The following TAFA2 variants were observed in gnomAD, a reference collection of about 807,000 sequenced individuals.
TAFA2 encodes TAFA chemokine like family member 2.
TAFA2 carries 7 observed loss-of-function variants against 18.8 expected under a neutral mutation model. The observed-to-expected ratio is 0.37, with a 90% CI of 0.21 to 0.70. TAFA2 has a LOEUF of 0.70. Among genes scored for constraint, TAFA2 ranks in the 30% least tolerant of loss-of-function variants. The pLI is 0.53. For synonymous variants in TAFA2, 60 were observed against 54.2 expected (o/e 1.11, Z -0.47); for missense variants, 122 against 158.1 (o/e 0.77, Z 1.23).
chr12:61,727,699 T>G (rs1870236677), intron 4 of TAFA2, among the ~76,000 whole-genome samples: 1 of 152,026 alleles, frequency 6.6e-6, no homozygotes, highest in Admixed American at 6.6e-5. Flanking sequence ...TTTGTATGGT[T>G]TAGTTACACT....
intron 2 of TAFA2, among the ~76,000 whole-genome samples, chr12:61,799,034 G>C (rs1169379777): frequency 6.6e-6 from 1 of 152,166 alleles, no homozygotes; most frequent in Admixed American, 6.5e-5. Flanking sequence ...AGAAAATATA[G>C]CTTCCTTTAT....
At chr12:61,879,542 C>T (rs1875022909) in intron 1 of TAFA2, 3 of 727,174 alleles carry the variant, frequency 4.1e-6, no homozygotes, top group South Asian at 1.5e-5. Flanking sequence ...CTGCTGAGGC[C>T]CCTTAACCTG....
intron 1 of TAFA2, among the ~76,000 whole-genome samples, chr12:62,004,449 G>C (rs1386289735): frequency 1.3e-5 from 2 of 152,224 alleles, no homozygotes; most frequent in Admixed American, 6.5e-5. Flanking sequence ...GGCTAGAAGA[G>C]AGATGAAGCA....
chr12:61,794,075 T>C (rs1871094881), intron 2 of TAFA2, among the ~76,000 whole-genome samples: 1 of 151,950 alleles, frequency 6.6e-6, no homozygotes, highest in Non-Finnish European at 1.5e-5. Flanking sequence ...AGCATATCTA[T>C]GGAAAATCTA....
At chr12:61,984,940 T>A (rs777305572) in intron 1 of TAFA2, among the ~76,000 whole-genome samples, 6 of 152,232 alleles carry the variant, frequency 3.9e-5, no homozygotes, top group Non-Finnish European at 7.3e-5. Context: ...AACATCCTAT[T>A]TTTATTGTAT....
intron 1 of TAFA2, among the ~76,000 whole-genome samples, chr12:62,250,812 G>A (rs528528620): frequency 6.6e-6 from 1 of 152,208 alleles, no homozygotes; most frequent in South Asian, 2.1e-4. Context: ...TATTAATTGA[G>A]GTCTTGCATA....
At chr12:62,109,207 G>C (rs573229324) in intron 1 of TAFA2, among the ~76,000 whole-genome samples, 1 of 152,316 alleles carries the variant, frequency 6.6e-6, no homozygotes, top group Non-Finnish European at 1.5e-5. Context: ...TGGCTAGCCA[G>C]TTCTCCCAAC....
intron 1 of TAFA2, among the ~76,000 whole-genome samples, chr12:61,909,154 A>G (rs996349993): frequency 1.3e-5 from 2 of 152,242 alleles, no homozygotes; most frequent in African/African-American, 2.4e-5. Flanking sequence ...CCACAAATTC[A>G]TAAACTATAA....
At chr12:62,236,261 CTTTTTTTTTTCTT>C (rs943583720) in intron 1 of TAFA2, among the ~76,000 whole-genome samples, 8 of 113,842 alleles carry the variant, frequency 7.0e-5, no homozygotes, top group Admixed American at 3.2e-4. Context: ...TGTTTTTTTT[CTTTTTTTTTTCTT>C]TTTTTTTTTT....
intron 1 of TAFA2, among the ~76,000 whole-genome samples, chr12:62,185,087 A>G (rs981239806): frequency 3.3e-5 from 5 of 152,198 alleles, no homozygotes; most frequent in Non-Finnish European, 5.9e-5. Flanking sequence ...ATTCTGACCC[A>G]ATTCTGAATG....
At chr12:61,994,004 T>C (rs918377705) in intron 1 of TAFA2, among the ~76,000 whole-genome samples, 1 of 152,178 alleles carries the variant, frequency 6.6e-6, no homozygotes, top group Non-Finnish European at 1.5e-5. Flanking sequence ...CAGATCCTGC[T>C]CTCTACATAC....
chr12:62,161,128 C>T (rs969896929), intron 1 of TAFA2, among the ~76,000 whole-genome samples: 20 of 152,138 alleles, frequency 1.3e-4, no homozygotes, highest in Admixed American at 2.0e-4. Flanking sequence ...TTACAACTTT[C>T]GCTTTGCAAA....
chr12:61,790,852 T>C (rs1460321210), intron 2 of TAFA2, among the ~76,000 whole-genome samples: 1 of 151,558 alleles, frequency 6.6e-6, no homozygotes, highest in Non-Finnish European at 1.5e-5. Context: ...TTTATAGAAA[T>C]AAGAAAAAAA....
chr12:61,767,406 T>C (rs1023150338), intron 2 of TAFA2, among the ~76,000 whole-genome samples: 2 of 152,112 alleles, frequency 1.3e-5, no homozygotes, highest in African/African-American at 2.4e-5. Context: ...GATTATTCCC[T>C]GCAAGGATGA....
chr12:61,936,068 C>A (rs553478283), intron 1 of TAFA2, among the ~76,000 whole-genome samples: 95 of 152,146 alleles, frequency 6.2e-4, no homozygotes, highest in African/African-American at 2.0e-3. Context: ...AAATCACAGT[C>A]CAATATCCTC....
At chr12:61,774,621 G>A (rs1179565857) in intron 2 of TAFA2, among the ~76,000 whole-genome samples, 1 of 151,572 alleles carries the variant, frequency 6.6e-6, no homozygotes, top group Admixed American at 6.6e-5. Flanking sequence ...TAAGTTATGA[G>A]GACACAAGGG....
chr12:61,814,403 G>A (rs1380245855), intron 2 of TAFA2, among the ~76,000 whole-genome samples: 1 of 151,342 alleles, frequency 6.6e-6, no homozygotes, highest in African/African-American at 2.5e-5. Context: ...TTTATTCTAA[G>A]TTAAATGGGC....
At chr12:62,243,885 A>ACTC (rs2062873423) in intron 1 of TAFA2, among the ~76,000 whole-genome samples, 1 of 152,096 alleles carries the variant, frequency 6.6e-6, no homozygotes, top group Non-Finnish European at 1.5e-5. Flanking sequence ...AGCTCAAGCA[A>ACTC]TCCTGCCTTA....
intron 1 of TAFA2, among the ~76,000 whole-genome samples, chr12:62,228,763 G>C (rs1298293642): frequency 2.6e-5 from 4 of 151,992 alleles, no homozygotes; most frequent in Non-Finnish European, 5.9e-5. Flanking sequence ...GAATGTCATT[G>C]GTATTTTGAT....
Sources: gnomAD v4.1 joint callset for allele counts (sites outside exome capture counted in the v4.1 genomes callset) on GRCh38, gnomAD v4.1.1 for gene constraint, MANE v1.5 for transcripts, NCBI Gene and HGNC (gene_info 2026-07-23, HGNC 2026-07-21) for gene names.